The following ATRNL1 variants were observed in gnomAD, a reference collection of about 807,000 sequenced individuals.
ATRNL1 encodes the protein attractin-like protein 1.
In ATRNL1, 95 loss-of-function variants were observed where a neutral mutation model predicts 182.7. The observed-to-expected ratio is 0.52, with a 90% CI of 0.44 to 0.62. ATRNL1 has a LOEUF of 0.62. Ranked by LOEUF, ATRNL1 falls within the 20% of genes least tolerant of loss-of-function variation. The pLI, the probability that ATRNL1 is intolerant of heterozygous loss-of-function variation, is 0.00. For synonymous variants in ATRNL1, 576 were observed against 568.3 expected, an observed-to-expected ratio of 1.01 and a Z score of -0.19; for missense variants, 1,471 against 1,679.5, an observed-to-expected ratio of 0.88 and a Z score of 2.17.
chr10:115,346,646 T>A (rs895013759), intron 19 of ATRNL1, among the ~76,000 whole-genome samples: 2 of 152,214 alleles, frequency 1.3e-5, no homozygotes, highest in Non-Finnish European at 2.9e-5. Flanking sequence ...TGTGAGTATT[T>A]GTGTCTTTTC....
At position 115,377,685 on chromosome 10, in the gene ATRNL1, T is replaced by C. The variant is rs567586806; in HGVS notation, c.3176-16974T>C. Among the ~76,000 whole-genome samples the C allele has an allele frequency of 3.3e-5, 5 of 152,310 alleles. No individual in the cohort carries two copies. The East Asian group carries it at 9.6e-4, about 29-fold the overall frequency. On this transcript the variant is annotated intron_variant, in intron 19 of 28. Transcript: ENST00000355044. ...ACACCTCTTCCAGTCCTTACAAAAT[T>C]TGACAGTCTGTATATGTCTTTATAA...
At chr10:115,375,835 T>G (rs185135002) in intron 19 of ATRNL1, among the ~76,000 whole-genome samples, 4 of 152,134 alleles carry the variant, frequency 2.6e-5, no homozygotes, top group African/African-American at 9.6e-5. Context: ...TTTTTTCTTT[T>G]AAATTTTATA....
At chr10:115,459,415 A>G (rs1847686064) in intron 21 of ATRNL1, among the ~76,000 whole-genome samples, 1 of 152,152 alleles carries the variant, frequency 6.6e-6, no homozygotes, top group Non-Finnish European at 1.5e-5. Context: ...GAGAAAGAGA[A>G]TGCGCACCTA....
chr10:115,107,680 T>A (rs1025304277), intron 1 of ATRNL1, among the ~76,000 whole-genome samples: 1 of 152,154 alleles, frequency 6.6e-6, no homozygotes, highest in Non-Finnish European at 1.5e-5. Flanking sequence ...TGTAGCATCC[T>A]TTCAGATCTA....
At chr10:115,350,721 T>C (rs1326943652) in intron 19 of ATRNL1, among the ~76,000 whole-genome samples, 1 of 152,170 alleles carries the variant, frequency 6.6e-6, no homozygotes, top group Admixed American at 6.5e-5. Context: ...AGCTTTGTTC[T>C]TTTTGGTCAA....
At chr10:115,578,629 CTCTT>C (rs1187480983) in intron 26 of ATRNL1, among the ~76,000 whole-genome samples, 3 of 151,162 alleles carry the variant, frequency 2.0e-5, no homozygotes, top group Non-Finnish European at 4.4e-5. Context: ...GTCATCTTCT[CTCTT>C]TCTTCTTCTA....
intron 24 of ATRNL1, among the ~76,000 whole-genome samples, chr10:115,500,792 C>T (rs528068126): frequency 3.9e-4 from 59 of 152,012 alleles, no homozygotes; most frequent in Non-Finnish European, 4.7e-4. Context: ...CCGCCTGCCT[C>T]GGCGTCCCAG....
At chr10:115,552,759 G>T (rs187244397) in intron 26 of ATRNL1, among the ~76,000 whole-genome samples, 2 of 151,224 alleles carry the variant, frequency 1.3e-5, no homozygotes, top group East Asian at 3.9e-4. Context: ...CACACAAAAG[G>T]CTTCAATTTT....
chr10:115,284,967 A>C (rs1852538253), intron 14 of ATRNL1, among the ~76,000 whole-genome samples: 1 of 152,168 alleles, frequency 6.6e-6, no homozygotes, highest in Non-Finnish European at 1.5e-5. Context: ...ATATTGCTCT[A>C]TCTGCACTAT....
At chr10:115,843,421 G>T (rs782276068) in intron 27 of ATRNL1, among the ~76,000 whole-genome samples, 9 of 152,034 alleles carry the variant, frequency 5.9e-5, no homozygotes, top group Non-Finnish European at 1.2e-4. Context: ...AAAAGTTAAA[G>T]TTAAAGAACT....
At chr10:115,591,118 C>T (rs1855875749) in intron 26 of ATRNL1, among the ~76,000 whole-genome samples, 1 of 152,216 alleles carries the variant, frequency 6.6e-6, no homozygotes, top group African/African-American at 2.4e-5. Flanking sequence ...TATATTAATA[C>T]ATACGTGTAT....
At chr10:115,698,778 A>G (rs1946643207) in intron 26 of ATRNL1, among the ~76,000 whole-genome samples, 1 of 149,864 alleles carries the variant, frequency 6.7e-6, no homozygotes, top group African/African-American at 2.4e-5. Context: ...CTCCATCTCA[A>G]AAAAAAAAAG....
At chr10:115,655,218 C>A (rs1284507062) in intron 26 of ATRNL1, among the ~76,000 whole-genome samples, 1 of 152,140 alleles carries the variant, frequency 6.6e-6, no homozygotes, top group African/African-American at 2.4e-5. Context: ...CATGATTTAA[C>A]TATGGGTATC....
At chr10:115,150,194 C>T (rs1460816154) in intron 5 of ATRNL1, among the ~76,000 whole-genome samples, 1 of 151,380 alleles carries the variant, frequency 6.6e-6, no homozygotes, top group Non-Finnish European at 1.5e-5. Flanking sequence ...TGTAACGTGT[C>T]CTTTTACATT....
chr10:115,689,232 G>A (rs1389192424), intron 26 of ATRNL1, among the ~76,000 whole-genome samples: 1 of 152,106 alleles, frequency 6.6e-6, no homozygotes, highest in African/African-American at 2.4e-5. Flanking sequence ...GTCAAGTACT[G>A]TGATGGCTCC....
intron 28 of ATRNL1, among the ~76,000 whole-genome samples, chr10:115,866,840 C>G (rs1951450636): frequency 1.3e-5 from 2 of 152,134 alleles, no homozygotes; most frequent in African/African-American, 4.8e-5. Flanking sequence ...TCCCAGAGCA[C>G]TTCAGATTCA....
chr10:115,845,967 A>T (rs1416936682), intron 27 of ATRNL1, among the ~76,000 whole-genome samples: 3 of 152,030 alleles, frequency 2.0e-5, no homozygotes, highest in Non-Finnish European at 4.4e-5. Flanking sequence ...GATTTGAAAC[A>T]TTTCATAGTA....
At chr10:115,759,912 T>C (rs1235496039) in intron 27 of ATRNL1, among the ~76,000 whole-genome samples, 1 of 144,842 alleles carries the variant, frequency 6.9e-6, no homozygotes, top group African/African-American at 2.5e-5. Flanking sequence ...CAGACTGATC[T>C]CGAACTCTTG....
intron 18 of ATRNL1, among the ~76,000 whole-genome samples, chr10:115,333,332 G>A (rs1054369954): frequency 3.9e-5 from 6 of 151,908 alleles, no homozygotes; most frequent in Admixed American, 2.0e-4. Context: ...TATTAACATC[G>A]AAACATGGAA....
Sources: gnomAD v4.1 joint callset for allele counts (sites outside exome capture counted in the v4.1 genomes callset) on GRCh38, gnomAD v4.1.1 for gene constraint, MANE v1.5 for transcripts, NCBI Gene and HGNC (gene_info 2026-07-23, HGNC 2026-07-21) for gene names.